MYO3B: variants seen among roughly 807,000 people sequenced by gnomAD.
The protein encoded by MYO3B is myosin IIIB.
A neutral mutation model predicts 174.6 loss-of-function variants in MYO3B; 156 were observed. The ratio of observed to expected loss-of-function variants is 0.89; its 90% CI spans 0.78 to 1.02. MYO3B has a LOEUF of 1.02. Among genes scored for constraint, MYO3B ranks in the 50% least tolerant of loss-of-function variants. The pLI is 0.00. For synonymous variants in MYO3B, 563 were observed against 569.1 expected, an observed-to-expected ratio of 0.99 and a Z score of 0.15; for missense variants, 1,632 against 1,639.4, an observed-to-expected ratio of 1.00 and a Z score of 0.08.
chr2:170,609,220 A>G (rs1277534314), intron 32 of MYO3B, among the ~76,000 whole-genome samples: 1 of 152,192 alleles, frequency 6.6e-6, no homozygotes, highest in Non-Finnish European at 1.5e-5. Context: ...CTCACACATT[A>G]TACTGGCATA....
At chr2:170,601,713 T>C in intron 32 of MYO3B, 1 of 1,542,044 alleles carries the variant, frequency 6.5e-7, no homozygotes, top group Non-Finnish European at 8.9e-7. Context: ...CAACTCCCTT[T>C]TTTGCTGCAT....
chr2:170,606,934 C>T (rs757988581), intron 32 of MYO3B, among the ~76,000 whole-genome samples: 26 of 152,078 alleles, frequency 1.7e-4, no homozygotes, highest in Admixed American at 1.4e-3. Context: ...GGAGGAGAAT[C>T]GCTTGAACCC....
At chr2:170,276,860 C>T (rs1239178068) in intron 7 of MYO3B, among the ~76,000 whole-genome samples, 1 of 152,084 alleles carries the variant, frequency 6.6e-6, no homozygotes. Context: ...TTATGTGGAT[C>T]ATCATTCTCA....
chr2:170,274,814 A>G (rs985914801), intron 7 of MYO3B, among the ~76,000 whole-genome samples: 13 of 152,212 alleles, frequency 8.5e-5, no homozygotes, highest in Admixed American at 2.0e-4. Flanking sequence ...AAAAAAACGC[A>G]AAGTAAAATA....
intron 22 of MYO3B, among the ~76,000 whole-genome samples, chr2:170,422,695 A>G (rs1488627746): frequency 6.6e-6 from 1 of 151,924 alleles, no homozygotes; most frequent in African/African-American, 2.4e-5. Flanking sequence ...ACCTCAGGTG[A>G]TCCACCCGCC....
intron 32 of MYO3B, among the ~76,000 whole-genome samples, chr2:170,570,656 A>G (rs1286517350): frequency 2.6e-5 from 4 of 152,160 alleles, no homozygotes; most frequent in East Asian, 1.9e-4. Flanking sequence ...TTCCTTGATC[A>G]TTATTGTAAG....
intron 8 of MYO3B, chr2:170,348,399 G>A (rs1252279403): frequency 6.6e-6 from 1 of 151,994 alleles, no homozygotes. Flanking sequence ...TACTATGCCT[G>A]GCTATTTTTT....
At chr2:170,276,715 T>C (rs1234079465) in intron 7 of MYO3B, among the ~76,000 whole-genome samples, 1 of 152,170 alleles carries the variant, frequency 6.6e-6, no homozygotes, top group Non-Finnish European at 1.5e-5. Flanking sequence ...ATATAATCAG[T>C]TACCTTTCTT....
intron 32 of MYO3B, among the ~76,000 whole-genome samples, chr2:170,548,132 A>G (rs1690657589): frequency 6.6e-6 from 1 of 150,864 alleles, no homozygotes; most frequent in African/African-American, 2.4e-5. Context: ...AAAAAAAAAA[A>G]AAAGAATGTG....
Position 170,499,757 on chromosome 2 carries a change from T to C in MYO3B, c.3238T>C (p.Tyr1080His). ...CAAGGGGTGGCTTGGAGCCAGGAGA[T>C]ACAAAAGGGTCAGAGAGAAGAGAGA... ...YTKGWLGARR[Y>H]KRVREKREKG... The change falls in exon 27 of 35, where the codon TAC (tyrosine) becomes CAC (histidine). Residue 1080 changes from tyrosine (Y) to histidine (H), a missense_variant. By Grantham distance (83) the Tyr-to-His change is moderately conservative (BLOSUM62 2). Coordinates refer to ENST00000408978, the MANE Select transcript of MYO3B (RefSeq NM_138995.5). 11 of 1,613,998 alleles carry C rather than the reference T, an allele frequency of 6.8e-6. No homozygotes were observed. The highest frequency in any genetic ancestry group is 2.2e-5 in the South Asian group (2 of 91,070).
At chr2:170,462,424 A>G (rs1167840045) in intron 23 of MYO3B, among the ~76,000 whole-genome samples, 1 of 151,726 alleles carries the variant, frequency 6.6e-6, no homozygotes, top group African/African-American at 2.4e-5. Flanking sequence ...TCTCCCACAT[A>G]CTCCTTTAGG....
chr2:170,203,558 T>C (rs886486473), intron 3 of MYO3B, among the ~76,000 whole-genome samples: 5 of 151,304 alleles, frequency 3.3e-5, no homozygotes, highest in Non-Finnish European at 5.9e-5. Flanking sequence ...GACAGACCGA[T>C]GGACCTTTGT....
intron 32 of MYO3B, among the ~76,000 whole-genome samples, chr2:170,544,506 T>C (rs1357430811): frequency 1.3e-5 from 2 of 152,168 alleles, no homozygotes; most frequent in Non-Finnish European, 2.9e-5. Flanking sequence ...CCAGTGCTTC[T>C]GGAAAATAAA....
Position 170,222,668 on chromosome 2 carries a change from A to T in MYO3B, c.603+5273A>T, listed in dbSNP as rs1330574680. On this transcript the variant is annotated intron_variant, in intron 6 of 34. Transcript: ENST00000408978. The stretch of plus-strand genomic sequence containing the variant: ...TAGAGGCCCACCCTACTCCAGTATG[A>T]CCTCATCTGAATTCAACTAATTGTA... Among the ~76,000 whole-genome samples the T allele has an allele frequency of 5.3e-5, 8 of 152,248 alleles. No homozygotes were observed. In the East Asian group the frequency reaches 1.5e-3, roughly 29 times the overall value.
intron 32 of MYO3B, among the ~76,000 whole-genome samples, chr2:170,600,743 T>C (rs182248448): frequency 1.3e-5 from 2 of 152,298 alleles, no homozygotes; most frequent in African/African-American, 4.8e-5. Flanking sequence ...AGGTCTTCTT[T>C]AATGTGGGAA....
chr2:170,265,235 T>C (rs2093374525), intron 7 of MYO3B, among the ~76,000 whole-genome samples: 1 of 152,214 alleles, frequency 6.6e-6, no homozygotes, highest in Admixed American at 6.5e-5. Flanking sequence ...CCTCTAGATT[T>C]TTAAGTCTTG....
At chr2:170,463,041 T>G (rs1006601054) in intron 23 of MYO3B, among the ~76,000 whole-genome samples, 1 of 152,242 alleles carries the variant, frequency 6.6e-6, no homozygotes, top group Non-Finnish European at 1.5e-5. Flanking sequence ...TTGCCAAGTT[T>G]CCTTTTAAGC....
intron 22 of MYO3B, among the ~76,000 whole-genome samples, chr2:170,443,347 A>AT (rs1293448961): frequency 2.0e-5 from 3 of 151,730 alleles, no homozygotes; most frequent in Middle Eastern, 3.2e-3. Flanking sequence ...GGGTTGTTTG[A>AT]TTTTTTCTTG....
chr2:170,550,878 T>C (rs566772088), intron 32 of MYO3B, among the ~76,000 whole-genome samples: 32 of 152,282 alleles, frequency 2.1e-4, no homozygotes, highest in Middle Eastern at 3.4e-3. Flanking sequence ...TTTCTAAAAT[T>C]ATTAGGAATG....
Sources: allele counts gnomAD v4.1 joint callset (sites outside exome capture counted in the v4.1 genomes callset), GRCh38; gene constraint gnomAD v4.1.1; transcripts MANE v1.5; gene names NCBI Gene and HGNC (gene_info 2026-07-23, HGNC 2026-07-21).